The following LGI4 variants were observed in gnomAD, a reference collection of about 807,000 sequenced individuals.
The protein encoded by LGI4 is leucine rich repeat LGI family member 4.
Under a neutral mutation model 48.3 loss-of-function variants are expected in LGI4, and 36 were observed. The ratio of observed to expected loss-of-function variants is 0.75; its 90% confidence interval spans 0.57 to 0.98. The LOEUF is 0.98. Ranked by LOEUF, LGI4 falls within the 50% of genes least tolerant of loss-of-function variation. The probability of loss-of-function intolerance (pLI) is 0.00; values close to 1 mark genes in which losing one functional copy is unlikely to be tolerated. For missense variants in LGI4, 701 were observed against 732.1 expected (o/e 0.96, Z 0.49); for synonymous variants, 355 against 331.6 (o/e 1.07, Z -0.77).
chr19:35,133,619 C>T (rs1451845513), intron 3 of LGI4, 74 bp downstream of exon 3: 2 of 1,514,462 alleles, frequency 1.3e-6, no homozygotes, highest in Non-Finnish European at 1.8e-6. Flanking sequence ...CTCCCATCTC[C>T]CCCTACTCTG....
chr19:35,133,319 T>C, intron 3 of LGI4: 1 of 1,104,780 alleles, frequency 9.1e-7, no homozygotes, highest in Non-Finnish European at 1.1e-6. Flanking sequence ...CACCACTACC[T>C]AATTCAGAGT....
Position 35,134,715 on chromosome 19 carries a change from C to T in LGI4, c.-35G>A, listed in dbSNP as rs377254806. 1.9e-4 allele frequency: 241 copies of T among 1,238,816 alleles called. No individual in the cohort carries two copies. Among genetic ancestry groups the T allele is most frequent in the Non-Finnish European group, 2.6e-4 (232 of 895,772 alleles). 76.7% of individuals were successfully genotyped at this position (1,238,816 alleles called of 1,614,324 possible). The stretch of plus-strand genomic sequence containing the variant: ...CCCACTCTGAGGCACCCGCTTCTCC[C>T]GGCCCACCCAGCTCAGCCCAGGCCA... On this transcript the variant is annotated 5_prime_UTR_variant, in exon 1 of 9. Coordinates refer to ENST00000310123, the MANE Select transcript of LGI4 (RefSeq NM_139284.3).
chr19:35,134,205 G>C, intron 1 of LGI4, 101 bp from the exon 2 acceptor site: 1 of 1,076,132 alleles, frequency 9.3e-7, no homozygotes. Flanking sequence ...GTGCCACCCT[G>C]ACCCTGGATG....
Position 35,134,506 on chromosome 19 carries a change from C to A in LGI4, c.170+5G>T. The A allele has an allele frequency of 1.3e-6, 2 of 1,575,292 alleles. No individual in the cohort carries two copies. The highest frequency in any genetic ancestry group is 1.7e-6 in the Non-Finnish European group (2 of 1,160,436). On this transcript the variant is annotated splice_donor_5th_base_variant and intron_variant, in intron 1 of 8. Coordinates refer to ENST00000310123, the MANE Select transcript of LGI4 (RefSeq NM_139284.3). ...CTTCGGGCATGCAGAAGGCTGGACA[C>A]TCACAGTGACAGCAGGGTCGGAGAG...
Position 35,132,057 on chromosome 19 carries a change from TG to T in LGI4, c.315-16del. The stretch of plus-strand genomic sequence containing the variant: ...CCTCGATGAAGCTGTGGAGGGAAGC[TG>T]GGGTCAGGGGGAGGCCCGCTGAGCT... On this transcript the variant is annotated splice_polypyrimidine_tract_variant and intron_variant, in intron 3 of 8. Coordinates refer to ENST00000310123, the MANE Select transcript of LGI4 (RefSeq NM_139284.3). 2 of 1,564,800 alleles carry T rather than the reference TG, an allele frequency of 1.3e-6. No individual in the cohort carries two copies. Among genetic ancestry groups the T allele is most frequent in the African/African-American group, 1.4e-5 (1 of 73,898 alleles).
At chr19:35,128,956 A>G (rs2065157775) in intron 6 of LGI4, among the ~76,000 whole-genome samples, 1 of 152,066 alleles carries the variant, frequency 6.6e-6, no homozygotes, top group Non-Finnish European at 1.5e-5. Context: ...ATCGAGACCT[A>G]ACATCCCCAC....
chr19:35,126,725 C>A lies in LGI4; in HGVS notation c.844G>T (p.Val282Leu), dbSNP rs879375038. 2.6e-5 allele frequency: 40 copies of A among 1,540,372 alleles called. No individual in the cohort carries two copies. Among genetic ancestry groups the A allele is most frequent in the Non-Finnish European group, 3.4e-5 (39 of 1,147,910 alleles). Reference sequence around the variant, plus strand: ...CCCCCCCACAGGCGGGCAGCCAGCACGAAGAGGCTCGGGCCCAGCACCAGT... The same window carrying A: ...CCCCCCCACAGGCGGGCAGCCAGCAAGAAGAGGCTCGGGCCCAGCACCAGT... Reference protein sequence around the residue: ...KPLVLGPSLFVLAARLWGGSQ... With the variant: ...KPLVLGPSLFLLAARLWGGSQ... The change falls in exon 8 of 9, where the codon GTG becomes TTG. Residue 282 changes from valine (V) to leucine (L), a missense_variant. By Grantham distance (32) the Val-to-Leu change is conservative (BLOSUM62 1). Around this residue, in one of 3 missense-constraint regions of LGI4, gnomAD observed 462 missense variants for 436.4 expected, o/e 1.06. Coordinates refer to ENST00000310123, the MANE Select transcript of LGI4 (RefSeq NM_139284.3).
In LGI4 at chr19:35,126,932, T is replaced by C. The variant is rs754106820; in HGVS notation, c.714A>G (p.Ala238=). The C allele has an allele frequency of 1.2e-6, 2 of 1,613,780 alleles. No individual in the cohort carries two copies. The highest frequency in any genetic ancestry group is 1.7e-6 in the Non-Finnish European group (2 of 1,179,940). The change falls in exon 7 of 9, where the codon GCA becomes GCG. Residue 238 remains alanine (A), a synonymous_variant. Transcript: ENST00000310123. The part of the protein sequence containing the change: ...SYQGEPHIVL[A]QPFAGRCLIL... ...TCAGGCAGCGGCCGGCGAAGGGCTG[T>C]GCCAGCACAATGTGAGGCTCCCCTT...
At position 35,131,369 on chromosome 19, in the gene LGI4, T is replaced by C. The variant is rs2145366337; in HGVS notation, c.628+17A>G. Reference sequence around the variant, plus strand: ...CCCAGATCTCCCGCCTCCCACCCCATCGGGAAAGCCCCCCACCTATGGCTC... The same window carrying C: ...CCCAGATCTCCCGCCTCCCACCCCACCGGGAAAGCCCCCCACCTATGGCTC... On this transcript the variant is annotated intron_variant, in intron 6 of 8. Transcript: ENST00000310123. 2 of 1,549,710 alleles carry C rather than the reference T, an allele frequency of 1.3e-6. No individual in the cohort carries two copies. Among genetic ancestry groups the C allele is most frequent in the Non-Finnish European group, 1.7e-6 (2 of 1,146,170 alleles).
chr19:35,131,586 C>T (rs1264524563), intron 5 of LGI4, 31 bp from the exon 6 acceptor site: 2 of 1,542,706 alleles, frequency 1.3e-6, no homozygotes, highest in African/African-American at 2.7e-5. Flanking sequence ...GGGGCTGCGA[C>T]CCGGCTTCCA....
At chr19:35,126,148 G>A (rs893047018) in intron 8 of LGI4, 122 bp downstream of exon 8, 5 of 1,106,574 alleles carry the variant, frequency 4.5e-6, no homozygotes, top group Non-Finnish European at 5.3e-6. Context: ...CTTGGCATCA[G>A]TGTGGGGTGG....
Position 35,126,755 on chromosome 19 carries a change from T to G in LGI4, c.814A>C (p.Lys272Gln), listed in dbSNP as rs757456760. Residue 272 changes from lysine (K) to glutamine (Q), a missense_variant, in exon 8 of 9, where the codon AAG (lysine) becomes CAG (glutamine). Lys to Gln is a moderately conservative substitution (Grantham distance 53, BLOSUM62 1). Coordinates refer to ENST00000310123, the MANE Select transcript of LGI4 (RefSeq NM_139284.3). ...ELPAASVVSC[K>Q]PLVLGPSLFV... is the part of the protein sequence containing the mutation. ...AGGCTCGGGCCCAGCACCAGTGGCTTGCAGGACACCACGGAGGCCGCTGTG... is the reference window on the plus strand; with the variant it reads ...AGGCTCGGGCCCAGCACCAGTGGCTGGCAGGACACCACGGAGGCCGCTGTG... The G allele has an allele frequency of 1.3e-5, 20 of 1,543,804 alleles. No homozygotes were observed. The highest frequency in any genetic ancestry group is 1.7e-5 in the Non-Finnish European group (20 of 1,149,804).
chr19:35,126,290 G>A lies in LGI4; in HGVS notation c.1279C>T (p.Arg427Cys), dbSNP rs1054775133. 6.8e-6 allele frequency: 11 copies of A among 1,611,930 alleles called. No individual in the cohort carries two copies. Among genetic ancestry groups the A allele is most frequent in the Middle Eastern group, 1.6e-4 (1 of 6,084 alleles). The change falls in exon 8 of 9, where the codon CGC (arginine) becomes TGC (cysteine). Residue 427 changes from arginine (R) to cysteine (C), a missense_variant. Arg to Cys is a radical substitution (Grantham distance 180). Transcript: ENST00000310123. ...CTCACCATGGAGTCCCCAATGTAGC[G>A]TGTGAGGCACAGGAACACGTCCCCA... ...AGGDVFLCLT[R>C]YIGDSMVMRW...
At position 35,134,795 on chromosome 19, in the gene LGI4, C is replaced by T; in HGVS notation, c.-115G>A. The T allele has an allele frequency of 1.7e-6, 1 of 592,662 alleles. No individual in the cohort carries two copies. The highest frequency in any genetic ancestry group is 3.3e-5 in the Admixed American group (1 of 30,556). 36.7% of individuals were successfully genotyped at this position (592,662 alleles called of 1,614,324 possible). On this transcript the variant is annotated 5_prime_UTR_variant, in exon 1 of 9. Coordinates refer to ENST00000310123, the MANE Select transcript of LGI4 (RefSeq NM_139284.3). ...CCATCCGCCTGCTGGCACGCTCGGC[C>T]CTGGCTTCTCTCTCCTCTTCTCCGT...
At position 35,125,021 on chromosome 19, in the gene LGI4, C is replaced by G. The variant is rs1030028204; in HGVS notation, c.*172G>C. The stretch of plus-strand genomic sequence containing the variant: ...TCCAGTAGGCTGGGACCCTCTATGT[C>G]CCCCCATGGGTGCAGATCCTTTAAG... On this transcript the variant is annotated 3_prime_UTR_variant, in exon 9 of 9. Transcript: ENST00000310123. The G allele has an allele frequency of 2.0e-5, 10 of 495,728 alleles. No homozygotes were observed. Among genetic ancestry groups the G allele is most frequent in the Non-Finnish European group, 3.4e-5 (10 of 294,480 alleles). The allele number at this position is 495,728 out of a possible 1,614,324, so 30.7% of individuals were successfully genotyped here.
intron 8 of LGI4, chr19:35,125,991 TG>T: frequency 1.8e-6 from 1 of 559,246 alleles, no homozygotes; most frequent in Non-Finnish European, 3.2e-6. Context: ...AGTGTCAGGG[TG>T]GGGACAGGTG....
At chr19:35,134,229 T>C (rs2065194262) in intron 1 of LGI4, 125 bp from the exon 2 acceptor site, 2 of 906,632 alleles carry the variant, frequency 2.2e-6, no homozygotes, top group African/African-American at 1.6e-5. Context: ...CTCCCCTGCA[T>C]GCCAGAGGAG....
intron 8 of LGI4, chr19:35,126,001 T>C (rs998708477): frequency 7.0e-6 from 4 of 569,312 alleles, no homozygotes; most frequent in Non-Finnish European, 1.3e-5. Flanking sequence ...TGGGGACAGG[T>C]GTGGCTGTGG....
At chr19:35,133,905 C>T (rs1217879737) in intron 2 of LGI4, 128 bp downstream of exon 2, 23 of 1,285,886 alleles carry the variant, frequency 1.8e-5, no homozygotes, top group African/African-American at 5.9e-5. Context: ...TTTGTACAGA[C>T]GTGTGCATAC....
Sources: allele counts gnomAD v4.1 joint callset (sites outside exome capture counted in the v4.1 genomes callset), GRCh38; gene constraint gnomAD v4.1.1; regional missense constraint gnomAD v4.1.1; transcripts MANE v1.5; gene names NCBI Gene and HGNC (gene_info 2026-07-23, HGNC 2026-07-21).